Variants in SON observed in about 807,000 individuals in gnomAD.
SON encodes protein SON.
Under a neutral mutation model 173.3 loss-of-function variants are expected in SON, and 4 were observed. The observed-to-expected ratio is 0.02, with a 90% confidence interval of 0.01 to 0.05. The LOEUF is 0.05. SON is among the 10% of genes least tolerant of loss of function. The pLI is 1.00. For synonymous variants in SON, 1,190 were observed against 1,105.9 expected (o/e 1.08, Z -1.51); for missense variants, 2,626 against 3,055.3 (o/e 0.86, Z 3.31).
chr21:33,569,532 C>T, intron 8 of SON: 1 of 390,364 alleles, frequency 2.6e-6, no homozygotes, highest in Non-Finnish European at 5.2e-6. Flanking sequence ...CTTAATTTTC[C>T]ATTCCTCTAT....
intron 3 of SON, among the ~76,000 whole-genome samples, chr21:33,556,719 A>T (rs964756644): frequency 1.3e-5 from 2 of 151,750 alleles, no homozygotes; most frequent in Non-Finnish European, 2.9e-5. Context: ...CTCAAAAAAA[A>T]AAAAAAAAAG....
At chr21:33,544,447 C>G (rs1210309268) in intron 1 of SON, among the ~76,000 whole-genome samples, 1 of 152,082 alleles carries the variant, frequency 6.6e-6, no homozygotes, top group African/African-American at 2.4e-5. Flanking sequence ...AAAAGCTAGT[C>G]TTTCCTTTAG....
rs576338135 is a variant in SON, at chr21:33,546,337, G to T, written c.202G>T (p.Val68Leu). 6.2e-7 allele frequency: 1 copy of T among 1,612,842 alleles called. No individual in the cohort carries two copies. The highest frequency in any genetic ancestry group is 8.5e-7 in the Non-Finnish European group (1 of 1,179,484). ...NEEIVQKIEE[V>L]LSGVLDTELR... ...AGAAATAGTGCAGAAGATAGAGGAAGTACTTTCTGGGGTCTTAGATACAGA... is the reference window on the plus strand; with the variant it reads ...AGAAATAGTGCAGAAGATAGAGGAATTACTTTCTGGGGTCTTAGATACAGA... The change falls in exon 2 of 12, where the codon GTA (valine) becomes TTA (leucine). Residue 68 changes from valine to leucine, a missense_variant. By Grantham distance (32) the Val-to-Leu change is conservative (BLOSUM62 1). Transcript: ENST00000356577.
At position 33,550,387 on chromosome 21, in the gene SON, C is replaced by T; in HGVS notation, c.1156C>T (p.Pro386Ser). ...SVASAMELPG[P>S]PATSMPELQG... ...GGCCTCAGCGATGGAGTTGCCGGGG[C>T]CACCTGCGACCTCCATGCCGGAGTT... The change falls in exon 3 of 12, where the codon CCA becomes TCA. Residue 386 changes from proline to serine, a missense_variant. Pro to Ser is a moderately conservative substitution (Grantham distance 74). Around this residue, in one of 13 missense-constraint regions of SON, gnomAD observed 757 missense variants for 730.1 expected, o/e 1.04. Transcript: ENST00000356577. 2 of 1,614,062 alleles carry T rather than the reference C, an allele frequency of 1.2e-6. No individual in the cohort carries two copies. The highest frequency in any genetic ancestry group is 1.3e-5 in the African/African-American group (1 of 75,042).
chr21:33,569,677 TGGTTGG>T, intron 8 of SON: 1 of 443,968 alleles, frequency 2.3e-6, no homozygotes, highest in Non-Finnish European at 4.6e-6. Context: ...TTACAGCAAG[TGGTTGG>T]GAGGCCCTAG....
chr21:33,546,071 AT>A, intron 1 of SON, 141 bp from the exon 2 acceptor site: 1 of 607,224 alleles, frequency 1.6e-6, no homozygotes, highest in Non-Finnish European at 2.7e-6. Context: ...GGTAAGAAGC[AT>A]TATTAGTGGT....
intron 6 of SON, among the ~76,000 whole-genome samples, chr21:33,562,168 T>C (rs1238209218): frequency 1.3e-5 from 2 of 152,208 alleles, no homozygotes; most frequent in Non-Finnish European, 2.9e-5. Context: ...CATCTAAATA[T>C]ACTATATTGT....
At position 33,558,755 on chromosome 21, in the gene SON, G is replaced by A. The variant is rs2086014034; in HGVS notation, c.6322-475G>A. ...GAAAATCTGGCTTAGAACTCTTCAAGGAATATTCCTTGATTCTCTAACTCT... is the reference window on the plus strand; with the variant it reads ...GAAAATCTGGCTTAGAACTCTTCAAAGAATATTCCTTGATTCTCTAACTCT... On this transcript the variant is annotated intron_variant, in intron 4 of 11. Transcript: ENST00000356577. The A allele has an allele frequency of 3.3e-5, 5 of 152,114 alleles. No homozygotes were observed. In the South Asian group the frequency reaches 1.0e-3, roughly 32 times the overall value. 9.4% of individuals were successfully genotyped at this position (152,114 alleles called of 1,614,324 possible).
rs1485431064 is a variant in SON at position 33,553,313 on chromosome 21, A to G, written c.4082A>G (p.Glu1361Gly). 2.5e-6 allele frequency: 4 copies of G among 1,583,168 alleles called. No homozygotes were observed. The highest frequency in any genetic ancestry group is 1.7e-5 in the Admixed American group (1 of 59,032). The change falls in exon 3 of 12, where the codon GAG becomes GGG. Residue 1361 changes from glutamate to glycine, a missense_variant. Around this residue, in one of 13 missense-constraint regions of SON, gnomAD observed 1,006 missense variants for 895.6 expected, o/e 1.12. Coordinates refer to ENST00000356577, the MANE Select transcript of SON (RefSeq NM_138927.4). Reference protein sequence around the residue: ...APESSAMAVLESSAVTVLESS... With the variant: ...APESSAMAVLGSSAVTVLESS... ...GAGTCTTCAGCTATGGCTGTCCTGGAGTCTTCGGCTGTGACCGTCCTGGAG... is the reference window on the plus strand; with the variant it reads ...GAGTCTTCAGCTATGGCTGTCCTGGGGTCTTCGGCTGTGACCGTCCTGGAG...
chr21:33,569,075 C>T lies in SON; in HGVS notation c.6873C>T (p.Ala2291=), dbSNP rs950235612. 7.5e-6 allele frequency: 12 copies of T among 1,599,324 alleles called. No individual in the cohort carries two copies. Among genetic ancestry groups the T allele is most frequent in the Non-Finnish European group, 1.0e-5 (12 of 1,166,856 alleles). The stretch of plus-strand genomic sequence containing the variant: ...AGTTGGCCAATACTGGTGCCCAAGC[C>T]TGGATTAAAAAGGTACACAGTATAT... ...QEQLANTGAQ[A]WIKKDQFLRA... Residue 2291 remains alanine (A), a synonymous_variant, in exon 8 of 12, where the codon GCC becomes GCT. Coordinates refer to ENST00000356577, the MANE Select transcript of SON (RefSeq NM_138927.4).
In SON at chr21:33,543,065, G is replaced by A; in HGVS notation, c.-28G>A. The A allele has an allele frequency of 1.9e-6, 3 of 1,610,300 alleles. No individual in the cohort carries two copies. Among genetic ancestry groups the A allele is most frequent in the South Asian group, 1.1e-5 (1 of 91,014 alleles). ...GCTGGGAGCCTGGAGGACTAGCGAG[G>A]AGGAGTTGAGAGAACGGAGCGGACG... On this transcript the variant is annotated 5_prime_UTR_variant, in exon 1 of 12. Coordinates refer to ENST00000356577, the MANE Select transcript of SON (RefSeq NM_138927.4).
At chr21:33,557,459 C>T (rs963379386) in intron 4 of SON, 143 bp downstream of exon 4, 20 of 1,541,910 alleles carry the variant, frequency 1.3e-5, no homozygotes, top group East Asian at 2.4e-5. Flanking sequence ...GATGTGGCAG[C>T]GGCAGAAGCT....
At chr21:33,556,022 A>G (rs1196994972) in intron 3 of SON, among the ~76,000 whole-genome samples, 1 of 152,184 alleles carries the variant, frequency 6.6e-6, no homozygotes, top group East Asian at 1.9e-4. Flanking sequence ...CCTGATTTTT[A>G]GTGTGCAGAG....
intron 8 of SON, chr21:33,572,145 T>C (rs1294560886): frequency 1.3e-5 from 2 of 149,758 alleles, no homozygotes; most frequent in Non-Finnish European, 3.0e-5. Flanking sequence ...TTACTCTCTC[T>C]GTTGATAAGT....
chr21:33,551,221 C>T lies in SON; in HGVS notation c.1990C>T (p.Leu664=), dbSNP rs140503022. 4.8e-5 allele frequency: 77 copies of T among 1,613,976 alleles called. No individual in the cohort carries two copies. Among genetic ancestry groups the T allele is most frequent in the Non-Finnish European group, 5.9e-5 (70 of 1,179,990 alleles). The change falls in exon 3 of 12, where the codon CTG becomes TTG. Residue 664 remains leucine (L), a synonymous_variant. Coordinates refer to ENST00000356577, the MANE Select transcript of SON (RefSeq NM_138927.4). ...TCAGTCTGTGGTGACAACATCGGAG[C>T]TGTCAACGATGACCGTGTCGCAGTC... ...SVQSVVTTSE[L]STMTVSQSLE...
At position 33,553,106 on chromosome 21, in the gene SON, C is replaced by T; in HGVS notation, c.3875C>T (p.Ser1292Leu). The T allele has an allele frequency of 6.2e-7, 1 of 1,614,238 alleles. No homozygotes were observed. Among genetic ancestry groups the T allele is most frequent in the Non-Finnish European group, 8.5e-7 (1 of 1,180,042 alleles). ...ATGGTATCTGAAACTCCCGCCATGT[C>T]AGCTGAACCAACTGTGTTAGCATCA... ...TCMVSETPAM[S>L]AEPTVLASEP... Residue 1292 changes from serine to leucine, a missense_variant, in exon 3 of 12, where the codon TCA (serine) becomes TTA (leucine). This residue lies in a region of SON where 1,006 missense variants were observed against 895.6 expected (regional missense o/e 1.12). Transcript: ENST00000356577.
intron 1 of SON, among the ~76,000 whole-genome samples, chr21:33,543,947 A>T (rs542432563): frequency 6.6e-6 from 1 of 152,322 alleles, no homozygotes; most frequent in South Asian, 2.1e-4. Context: ...GGCTTCACAA[A>T]ATTTGAAGGC....
In SON at chr21:33,550,628, C is replaced by T; in HGVS notation, c.1397C>T (p.Pro466Leu). ...LPAPSMGLEP[P>L]QEVPEPPVMA... ...GCACCATCCATGGGGTTGGAGCCAC[C>T]ACAGGAGGTACCAGAGCCACCTGTG... The change falls in exon 3 of 12, where the codon CCA becomes CTA. Residue 466 changes from proline (P) to leucine (L), a missense_variant. By Grantham distance (98) the Pro-to-Leu change is moderately conservative. Transcript: ENST00000356577. The T allele has an allele frequency of 6.2e-7, 1 of 1,614,000 alleles. No individual in the cohort carries two copies. Among genetic ancestry groups the T allele is most frequent in the South Asian group, 1.1e-5 (1 of 91,078 alleles).
At chr21:33,574,879 A>G (rs2086364509) in intron 9 of SON, among the ~76,000 whole-genome samples, 1 of 152,194 alleles carries the variant, frequency 6.6e-6, no homozygotes. Context: ...TTTGTTAGGA[A>G]GGGAGAGGAG....
Sources: allele counts gnomAD v4.1 joint callset (sites outside exome capture counted in the v4.1 genomes callset), GRCh38; gene constraint gnomAD v4.1.1; regional missense constraint gnomAD v4.1.1; transcripts MANE v1.5; gene names NCBI Gene and HGNC (gene_info 2026-07-23, HGNC 2026-07-21).